GRK7: variants seen among roughly 807,000 people sequenced by gnomAD.
GRK7 encodes the protein G protein-coupled receptor kinase 7, also known as rhodopsin kinase GRK7.
Under a neutral mutation model 34.1 loss-of-function variants are expected in GRK7, and 24 were observed. The observed-to-expected ratio is 0.70, with a 90% CI of 0.51 to 0.99. The LOEUF is 0.99. Ranked by LOEUF, GRK7 falls within the 50% of genes least tolerant of loss-of-function variation. GRK7 has a pLI of 0.00. For missense variants in GRK7, 644 were observed against 707.3 expected, an observed-to-expected ratio of 0.91 and a Z score of 1.02; for synonymous variants, 256 against 279.4, an observed-to-expected ratio of 0.92 and a Z score of 0.84.
intron 5 of GRK7, among the ~76,000 whole-genome samples, chr3:141,814,168 C>A (rs1021135294): frequency 6.6e-6 from 1 of 152,034 alleles, no homozygotes; most frequent in African/African-American, 2.4e-5. Context: ...TGATTAATTT[C>A]TAATTGAGGT....
chr3:141,767,245 A>ATCCT (rs2084593325), intron 1 of GRK7, among the ~76,000 whole-genome samples: 1 of 152,214 alleles, frequency 6.6e-6, no homozygotes, highest in Non-Finnish European at 1.5e-5. Context: ...CATGTAAGGA[A>ATCCT]GGTCAGGCTT....
At chr3:141,780,864 G>A in intron 4 of GRK7, 53 bp downstream of exon 4, 2 of 1,495,728 alleles carry the variant, frequency 1.3e-6, no homozygotes, top group Non-Finnish European at 1.8e-6. Flanking sequence ...GGAAAGGAGG[G>A]GAGAGGGCTT....
At chr3:141,789,785 A>T (rs2084715060) in intron 4 of GRK7, among the ~76,000 whole-genome samples, 1 of 151,946 alleles carries the variant, frequency 6.6e-6, no homozygotes. Context: ...CAAGTAGGTA[A>T]CTCTTTTCTA....
At chr3:141,750,704 G>A in the GRK7 span, among the ~76,000 whole-genome samples, 1 of 151,544 alleles carries the variant, frequency 6.6e-6, no homozygotes, top group African/African-American at 2.4e-5. Flanking sequence ...TGATGTGTGT[G>A]TGCAGCTACA....
At chr3:141,790,287 C>T (rs1217632813) in intron 4 of GRK7, among the ~76,000 whole-genome samples, 5 of 152,098 alleles carry the variant, frequency 3.3e-5, no homozygotes, top group Admixed American at 2.0e-4. Context: ...CCTGAGCCAC[C>T]GCACCCAGCC....
Position 141,816,989 on chromosome 3 carries a change from A to G in GRK7, c.1601A>G (p.Asn534Ser). ...CTGTTTGAGGAACTGAATGACCCCA[A>G]CAGACCTACGGGTTGTGAGGAGGGT... ...TGLFEELNDP[N>S]RPTGCEEGNS... The change falls in exon 6 of 6, where the codon AAC (asparagine) becomes AGC (serine). Residue 534 changes from asparagine to serine, a missense_variant. Asn to Ser is a conservative substitution (Grantham distance 46). Transcript: ENST00000682958. 1 of 1,613,832 alleles carries G rather than the reference A, an allele frequency of 6.2e-7. No homozygotes were observed. The highest frequency in any genetic ancestry group is 1.1e-5 in the South Asian group (1 of 91,012).
upstream of GRK7, among the ~76,000 whole-genome samples, chr3:141,762,988 C>T (rs578108525): frequency 2.3e-4 from 35 of 152,338 alleles, no homozygotes; most frequent in African/African-American, 6.7e-4. Flanking sequence ...CTTCGGCTCG[C>T]GCCCGGTGCG....
intron 4 of GRK7, among the ~76,000 whole-genome samples, chr3:141,797,103 C>A (rs1048081938): frequency 3.9e-5 from 6 of 152,194 alleles, no homozygotes; most frequent in African/African-American, 1.2e-4. Context: ...CCATTTCACC[C>A]CAGACTCTAT....
intron 4 of GRK7, among the ~76,000 whole-genome samples, chr3:141,783,832 G>A (rs556878739): frequency 9.8e-4 from 149 of 152,246 alleles, no homozygotes; most frequent in African/African-American, 3.3e-3. Flanking sequence ...AAGTAACACC[G>A]TCTCCTCTGT....
intron 5 of GRK7, among the ~76,000 whole-genome samples, chr3:141,808,540 C>G (rs1038912625): frequency 1.6e-4 from 25 of 152,088 alleles, no homozygotes; most frequent in African/African-American, 5.5e-4. Context: ...TGGTGAAACC[C>G]CATCTGTAAT....
At chr3:141,800,380 TAAAAA>T (rs5853047) in intron 4 of GRK7, among the ~76,000 whole-genome samples, 856 of 79,552 alleles carry the variant, frequency 0.011, 10 homozygotes, top group African/African-American at 0.033. Flanking sequence ...TTGTCATTTG[TAAAAA>T]AAAAAAAAAA....
At chr3:141,775,716 A>C (rs969277395) in intron 2 of GRK7, among the ~76,000 whole-genome samples, 1 of 152,206 alleles carries the variant, frequency 6.6e-6, no homozygotes, top group East Asian at 1.9e-4. Context: ...CTTTTACATC[A>C]ATTACATGTT....
At chr3:141,782,632 A>T (rs2107879812) in intron 4 of GRK7, among the ~76,000 whole-genome samples, 2 of 152,116 alleles carry the variant, frequency 1.3e-5, no homozygotes, top group South Asian at 4.2e-4. Flanking sequence ...AAGCTGAAAA[A>T]CACCAACATG....
At chr3:141,776,867 T>G (rs1051552312) in intron 2 of GRK7, among the ~76,000 whole-genome samples, 5 of 152,226 alleles carry the variant, frequency 3.3e-5, no homozygotes, top group Non-Finnish European at 7.3e-5. Context: ...TAAGCTGCCT[T>G]AGCCTTGCTT....
the GRK7 span, among the ~76,000 whole-genome samples, chr3:141,756,008 TAAA>T: frequency 0.23 from 31,221 of 137,414 alleles, 3,573 homozygotes; most frequent in African/African-American, 0.3. Flanking sequence ...CTCAGCAGTT[TAAA>T]AAAAAAAAAA....
chr3:141,756,051 C>T, the GRK7 span, among the ~76,000 whole-genome samples: 1 of 151,354 alleles, frequency 6.6e-6, no homozygotes. Flanking sequence ...TGGCTCACAC[C>T]TGTAATCCCA....
chr3:141,754,798 G>C, the GRK7 span, among the ~76,000 whole-genome samples: 2 of 152,122 alleles, frequency 1.3e-5, no homozygotes, highest in Non-Finnish European at 2.9e-5. Context: ...GGTAGTTGCT[G>C]CTACATATAC....
At position 141,807,730 on chromosome 3, in the gene GRK7, G is replaced by A; in HGVS notation, c.1136G>A (p.Cys379Tyr). The A allele has an allele frequency of 6.2e-7, 1 of 1,613,990 alleles. No individual in the cohort carries two copies. The highest frequency in any genetic ancestry group is 8.5e-7 in the Non-Finnish European group (1 of 1,179,822). Reference protein sequence around the residue: ...SYPVDWFAMGCSIYEMVAGRT... With the variant: ...SYPVDWFAMGYSIYEMVAGRT... ...CCTGTGGACTGGTTTGCCATGGGAT[G>A]CAGCATTTATGAAATGGTTGCTGGA... Residue 379 changes from cysteine to tyrosine, a missense_variant, in exon 5 of 6, where the codon TGC (cysteine) becomes TAC (tyrosine). Physicochemically the swap from Cys to Tyr is radical, Grantham distance 194. Transcript: ENST00000682958.
At position 141,763,957 on chromosome 3, in the gene GRK7, C is replaced by T. The variant is rs1049673855; in HGVS notation, c.-1996C>T. Among the ~76,000 whole-genome samples the T allele has an allele frequency of 2.6e-5, 4 of 152,176 alleles. No homozygotes were observed. The highest frequency in any genetic ancestry group is 9.7e-5 in the African/African-American group (4 of 41,440). ...TCTTCTGCAACACTTCTGCTCCCCT[C>T]ATCCAACTGGACCTGGCAACATGCA... On this transcript the variant is annotated 5_prime_UTR_variant, in exon 1 of 6. Coordinates refer to ENST00000682958, the MANE Select transcript of GRK7 (RefSeq NM_139209.3).
Sources: allele counts gnomAD v4.1 joint callset (sites outside exome capture counted in the v4.1 genomes callset), GRCh38; gene constraint gnomAD v4.1.1; transcripts MANE v1.5; gene names NCBI Gene and HGNC (gene_info 2026-07-23, HGNC 2026-07-21).